The following MTA3 variants were observed in gnomAD, a reference collection of about 807,000 sequenced individuals.
The protein encoded by MTA3 is metastasis associated 1 family member 3, also known as metastasis-associated protein MTA3.
Under a neutral mutation model 83.5 loss-of-function variants are expected in MTA3, and 34 were observed. That is an observed-to-expected ratio of 0.41 (90% confidence interval 0.31 to 0.54). The LOEUF (loss-of-function observed/expected upper bound fraction) is 0.54, where lower values mean the gene tolerates loss of function less well. Among genes scored for constraint, MTA3 ranks in the 20% least tolerant of loss-of-function variants. The pLI is 0.33. For missense variants in MTA3, 761 were observed against 726.4 expected, an observed-to-expected ratio of 1.05 and a Z score of -0.55; for synonymous variants, 303 against 252.7, an observed-to-expected ratio of 1.20 and a Z score of -1.89.
Position 42,755,717 on chromosome 2 carries a change from C to G in MTA3, c.*2318C>G. 2 of 985,568 alleles carry G rather than the reference C, an allele frequency of 2.0e-6. No homozygotes were observed. The highest frequency in any genetic ancestry group is 3.5e-5 in the African/African-American group (2 of 57,346). The allele number at this position is 985,568 out of a possible 1,614,324, so 61.1% of individuals were successfully genotyped here. A position where few individuals can be genotyped will look rare whatever the true frequency, so the allele number is the denominator to read the frequency against. On this transcript the variant is annotated 3_prime_UTR_variant, in exon 17 of 17. Transcript: ENST00000405094. ...GGTGCTGAGAGGGTTTCCCAGCCAC[C>G]CGCTCCCTTTCTGGGGCCATGGTGT...
At chr2:42,633,875 C>A (rs1224213376) in intron 4 of MTA3, among the ~76,000 whole-genome samples, 2 of 149,434 alleles carry the variant, frequency 1.3e-5, no homozygotes, top group Non-Finnish European at 1.5e-5. Flanking sequence ...GGCGACAGAG[C>A]GAGACTCTGT....
chr2:42,613,503 C>A (rs1210139520), intron 4 of MTA3, among the ~76,000 whole-genome samples: 1 of 152,186 alleles, frequency 6.6e-6, no homozygotes, highest in East Asian at 1.9e-4. Context: ...TTGGAGTGGT[C>A]TTGACATTTT....
chr2:42,611,977 T>G (rs1035089013), intron 4 of MTA3, among the ~76,000 whole-genome samples: 1 of 152,232 alleles, frequency 6.6e-6, no homozygotes, highest in Admixed American at 6.6e-5. Flanking sequence ...ATTTAGGATT[T>G]TTATTAGGGG....
chr2:42,509,538 G>T (rs539824764), intron 2 of MTA3, among the ~76,000 whole-genome samples: 1 of 152,120 alleles, frequency 6.6e-6, no homozygotes, highest in East Asian at 1.9e-4. Context: ...GGGAGACCAA[G>T]GTGGGTGGCT....
At chr2:42,498,350 A>G (rs575385715) in intron 2 of MTA3, among the ~76,000 whole-genome samples, 80 of 152,346 alleles carry the variant, frequency 5.3e-4, no homozygotes, top group African/African-American at 1.9e-3. Flanking sequence ...TCAGAAGACC[A>G]CCAGGATGGC....
intron 3 of MTA3, among the ~76,000 whole-genome samples, chr2:42,606,168 C>T (rs1452597465): frequency 4.5e-5 from 5 of 112,250 alleles, no homozygotes; most frequent in East Asian, 2.6e-4. Context: ...CCTCACCTCC[C>T]GGACGGGGCG....
chr2:42,633,381 C>A (rs2104267504), intron 4 of MTA3, among the ~76,000 whole-genome samples: 1 of 151,400 alleles, frequency 6.6e-6, no homozygotes, highest in African/African-American at 2.4e-5. Context: ...GAGTTTTAGA[C>A]CAGTCTGGGC....
chr2:42,756,748 A>T lies in MTA3; in HGVS notation c.*3349A>T. The T allele has an allele frequency of 2.0e-6, 2 of 985,038 alleles. No individual in the cohort carries two copies. Among genetic ancestry groups the T allele is most frequent in the Non-Finnish European group, 2.4e-6 (2 of 829,850 alleles). 61.0% of individuals were successfully genotyped at this position (985,038 alleles called of 1,614,324 possible). On this transcript the variant is annotated 3_prime_UTR_variant, in exon 17 of 17. Coordinates refer to ENST00000405094, the MANE Select transcript of MTA3 (RefSeq NM_001330442.2). ...AAGGCCATGTCCCAGTTTTCTGTCC[A>T]CCCCTCCTGTTCCTCTGCACTATGT...
intron 2 of MTA3, among the ~76,000 whole-genome samples, chr2:42,534,816 G>A (rs567703010): frequency 2.0e-5 from 3 of 152,032 alleles, no homozygotes; most frequent in African/African-American, 7.2e-5. Context: ...TAGAAATGGG[G>A]TCTCACTGTG....
In MTA3 at chr2:42,500,971, C is replaced by T. The variant is rs752889670; in HGVS notation, c.-141+5717C>T. ...GACTGCAGGTGCCTGCCACTACGCC[C>T]GGCTAATTTTCTGTATTTTTAGTAG... On this transcript the variant is annotated intron_variant, in intron 2 of 17. Transcript: ENST00000405592. 3.9e-5 allele frequency among the ~76,000 whole-genome samples: 6 copies of T among 152,062 alleles called. No individual in the cohort carries two copies. The East Asian group carries it at 5.8e-4, about 15-fold the overall frequency.
chr2:42,655,664 G>A (rs6544584), intron 6 of MTA3, among the ~76,000 whole-genome samples: 112,581 of 152,156 alleles, frequency 0.74, 41,908 homozygotes, highest in South Asian at 0.88. Flanking sequence ...GTACAGTGGC[G>A]CAATCTCAGC....
chr2:42,502,568 G>A (rs1371289447), intron 2 of MTA3, among the ~76,000 whole-genome samples: 1 of 152,166 alleles, frequency 6.6e-6, no homozygotes, highest in African/African-American at 2.4e-5. Context: ...GGAGGCCAAG[G>A]CAGCTGAATC....
intron 3 of MTA3, among the ~76,000 whole-genome samples, chr2:42,587,202 A>G (rs1312299826): frequency 6.6e-6 from 1 of 151,956 alleles, no homozygotes; most frequent in African/African-American, 2.4e-5. Context: ...CAAAAAAAAA[A>G]GTAAAATAAA....
At chr2:42,627,687 C>T (rs1409849906) in intron 4 of MTA3, among the ~76,000 whole-genome samples, 1 of 151,596 alleles carries the variant, frequency 6.6e-6, no homozygotes, top group African/African-American at 2.4e-5. Flanking sequence ...CCTCAGCCTC[C>T]CAAGTAGCTG....
chr2:42,638,070 A>G (rs924921059), intron 4 of MTA3, among the ~76,000 whole-genome samples: 1 of 152,152 alleles, frequency 6.6e-6, no homozygotes, highest in Non-Finnish European at 1.5e-5. Flanking sequence ...TATTAAAATA[A>G]AATTTAGCAG....
At chr2:42,628,742 GTTA>G (rs1686375165) in intron 4 of MTA3, among the ~76,000 whole-genome samples, 1 of 143,796 alleles carries the variant, frequency 7.0e-6, no homozygotes, top group Admixed American at 7.0e-5. Context: ...TTAAAACTGA[GTTA>G]TTGAGTATTG....
At chr2:42,630,425 T>C (rs1019908807) in intron 4 of MTA3, among the ~76,000 whole-genome samples, 1 of 152,202 alleles carries the variant, frequency 6.6e-6, no homozygotes, top group Non-Finnish European at 1.5e-5. Flanking sequence ...CCCCCAGGTC[T>C]TCAGTGTTTT....
intron 15 of MTA3, among the ~76,000 whole-genome samples, chr2:42,722,225 G>A (rs1039730493): frequency 1.3e-5 from 2 of 152,140 alleles, no homozygotes; most frequent in Admixed American, 6.5e-5. Context: ...ATAAGAGCAC[G>A]TAGTTCTGGG....
chr2:42,631,709 A>C (rs938358823), intron 4 of MTA3, among the ~76,000 whole-genome samples: 1 of 152,154 alleles, frequency 6.6e-6, no homozygotes, highest in Non-Finnish European at 1.5e-5. Context: ...TTATTTTTTG[A>C]GACGGAGTCT....
Sources: gnomAD v4.1 joint callset for allele counts (sites outside exome capture counted in the v4.1 genomes callset) on GRCh38, gnomAD v4.1.1 for gene constraint, MANE v1.5 for transcripts, NCBI Gene and HGNC (gene_info 2026-07-23, HGNC 2026-07-21) for gene names.